TCEA1: variants seen among roughly 807,000 people sequenced by gnomAD.
TCEA1 encodes transcription elongation factor A protein 1.
A neutral mutation model predicts 43.8 loss-of-function variants in TCEA1; 21 were observed. That is an observed-to-expected ratio of 0.48 (90% confidence interval 0.34 to 0.69). The LOEUF is 0.69. TCEA1 is among the 30% of genes least tolerant of loss of function. TCEA1 has a pLI of 0.01. For synonymous variants in TCEA1, 104 were observed against 117.5 expected (o/e 0.88, Z 0.75); for missense variants, 250 against 365.1 (o/e 0.68, Z 2.57).
chr8:53,997,188 G>A (rs1243999211), intron 3 of TCEA1, among the ~76,000 whole-genome samples: 3 of 152,050 alleles, frequency 2.0e-5, no homozygotes, highest in African/African-American at 7.2e-5. Flanking sequence ...GATTACAGGC[G>A]TGAGCCACCA....
At chr8:53,981,930 T>TC (rs1554529595) in intron 7 of TCEA1, among the ~76,000 whole-genome samples, 1,998 of 147,866 alleles carry the variant, frequency 0.014, 35 homozygotes, top group Non-Finnish European at 0.021. Context: ...AAGTTTTCTT[T>TC]TTTTTTTTTT....
At chr8:54,009,907 A>C (rs1221239180) in intron 2 of TCEA1, 1 of 152,690 alleles carries the variant, frequency 6.5e-6, no homozygotes, top group Non-Finnish European at 1.5e-5. Context: ...CATTCTATGC[A>C]TGTAACCAAA....
At chr8:53,993,249 C>A (rs1245133257) in intron 4 of TCEA1, 2 of 151,502 alleles carry the variant, frequency 1.3e-5, no homozygotes, top group African/African-American at 4.9e-5. Context: ...AGCCACTGTG[C>A]CTAGCCACAA....
At position 53,993,635 on chromosome 8, in the gene TCEA1, T is replaced by C. The variant is rs147157357; in HGVS notation, c.320+33A>G. 3,928 of 1,539,394 alleles carry C rather than the reference T, an allele frequency of 2.6e-3. 9 individuals carry two copies. The highest frequency in any genetic ancestry group is 7.4e-3 in the Middle Eastern group (43 of 5,838). ...GATGCAGGAAGTAAAACTATGACTT[T>C]CAATATAAATATATGTCTATACTGT... On this transcript the variant is annotated intron_variant, in intron 4 of 9. Transcript: ENST00000521604.
Position 54,022,157 on chromosome 8 carries a change from G to T in TCEA1, c.-32C>A, listed in dbSNP as rs1355909054. ...GGCAGGTCTTCTCCGCGCCCACCCC[G>T]CTGGCAAGGGGAAGTGGGCGAAGCT... On this transcript the variant is annotated 5_prime_UTR_variant, in exon 1 of 10. Transcript: ENST00000521604. 4.5e-6 allele frequency: 7 copies of T among 1,554,820 alleles called. No individual in the cohort carries two copies. The highest frequency in any genetic ancestry group is 1.4e-5 in the African/African-American group (1 of 71,668).
intron 3 of TCEA1, among the ~76,000 whole-genome samples, chr8:53,995,387 A>G (rs1379037423): frequency 6.6e-6 from 1 of 152,036 alleles, no homozygotes; most frequent in African/African-American, 2.4e-5. Flanking sequence ...TGAGCCCAGG[A>G]ACTTGAGGCT....
At chr8:53,995,964 G>A (rs1804040085) in intron 3 of TCEA1, among the ~76,000 whole-genome samples, 1 of 152,140 alleles carries the variant, frequency 6.6e-6, no homozygotes, top group Non-Finnish European at 1.5e-5. Flanking sequence ...TTTCCTTGAA[G>A]GCTCAAATCC....
chr8:53,984,691 G>A lies in TCEA1; in HGVS notation c.524-174C>T, dbSNP rs182913158. Among the ~76,000 whole-genome samples, 12 of 151,908 alleles carry A rather than the reference G, an allele frequency of 7.9e-5. No individual in the cohort carries two copies. The East Asian group carries it at 9.7e-4, about 12-fold the overall frequency. ...GAGGTCAGGAGATCGAGACCATCCC[G>A]GCTAACATGATGAAACCCCGTCTCT... On this transcript the variant is annotated intron_variant, in intron 6 of 9. Transcript: ENST00000521604.
At chr8:53,995,384 A>G (rs994597157) in intron 3 of TCEA1, among the ~76,000 whole-genome samples, 1 of 151,770 alleles carries the variant, frequency 6.6e-6, no homozygotes, top group African/African-American at 2.4e-5. Flanking sequence ...GCTTGAGCCC[A>G]GGAACTTGAG....
Position 54,022,301 on chromosome 8 carries a change from G to T in TCEA1, c.-176C>A. ...CGCGGCGGCGGCGGCGGCGGCGGCG[G>T]CTCCGGCTCCTCCTCCCCAGGCAGC... On this transcript the variant is annotated 5_prime_UTR_variant, in exon 1 of 10. Transcript: ENST00000521604. The T allele has an allele frequency of 1.4e-6, 1 of 733,118 alleles. No homozygotes were observed. Among genetic ancestry groups the T allele is most frequent in the Non-Finnish European group, 2.3e-6 (1 of 440,652 alleles). 45.4% of individuals were successfully genotyped at this position (733,118 alleles called of 1,614,324 possible).
chr8:53,995,399 C>T (rs1804023929), intron 3 of TCEA1, among the ~76,000 whole-genome samples: 1 of 151,852 alleles, frequency 6.6e-6, no homozygotes, highest in African/African-American at 2.4e-5. Flanking sequence ...CTTGAGGCTG[C>T]AATGAGCTAT....
chr8:53,984,624 C>T (rs1220568793), intron 6 of TCEA1, 107 bp from the exon 7 acceptor site: 19 of 930,340 alleles, frequency 2.0e-5, no homozygotes, highest in Admixed American at 3.4e-5. Context: ...TGGCTCATGC[C>T]TGTAATCCCA....
chr8:54,013,701 A>T (rs1167120904), intron 1 of TCEA1, among the ~76,000 whole-genome samples: 1 of 144,860 alleles, frequency 6.9e-6, no homozygotes. Context: ...AAAAAAAAAA[A>T]ACAAAAAACA....
chr8:54,007,635 T>G (rs751053305), intron 2 of TCEA1, among the ~76,000 whole-genome samples: 1 of 152,276 alleles, frequency 6.6e-6, no homozygotes, highest in Admixed American at 6.5e-5. Flanking sequence ...TGTGGTTTAG[T>G]GTTTTCACAA....
chr8:53,978,985 AT>A, intron 8 of TCEA1, 39 bp downstream of exon 8: 2 of 1,565,008 alleles, frequency 1.3e-6, no homozygotes, highest in Non-Finnish European at 1.7e-6. Context: ...AGTTGCAAGC[AT>A]TTTTATATAA....
intron 3 of TCEA1, among the ~76,000 whole-genome samples, chr8:53,998,761 C>T (rs1261275271): frequency 6.6e-6 from 1 of 151,938 alleles, no homozygotes; most frequent in African/African-American, 2.4e-5. Context: ...GATCACAGAC[C>T]AAAAACAAAG....
intron 1 of TCEA1, among the ~76,000 whole-genome samples, chr8:54,011,762 T>C (rs752722849): frequency 6.6e-6 from 1 of 152,232 alleles, no homozygotes; most frequent in African/African-American, 2.4e-5. Context: ...CTTCTAGTCA[T>C]GTAATTTTTC....
chr8:53,996,621 G>T (rs564260089), intron 3 of TCEA1, among the ~76,000 whole-genome samples: 2 of 152,170 alleles, frequency 1.3e-5, no homozygotes, highest in Non-Finnish European at 2.9e-5. Context: ...TTAAAAACAA[G>T]AAATCTAACA....
chr8:54,002,002 A>C (rs1804281246), intron 2 of TCEA1, among the ~76,000 whole-genome samples: 1 of 149,170 alleles, frequency 6.7e-6, no homozygotes, highest in Non-Finnish European at 1.5e-5. Context: ...AAAAACAAAC[A>C]AACAAACAAA....
Sources: gnomAD v4.1 joint callset for allele counts (sites outside exome capture counted in the v4.1 genomes callset) on GRCh38, gnomAD v4.1.1 for gene constraint, MANE v1.5 for transcripts, NCBI Gene and HGNC (gene_info 2026-07-23, HGNC 2026-07-21) for gene names.